The following TMEM201 variants were observed in gnomAD, a reference collection of about 807,000 sequenced individuals.
TMEM201 encodes RP13-15M17.2.
A neutral mutation model predicts 63.4 loss-of-function variants in TMEM201; 26 were observed. That is an observed-to-expected ratio of 0.41 (90% CI 0.30 to 0.57). The LOEUF is 0.57. TMEM201 is among the 20% of genes least tolerant of loss of function. The probability of loss-of-function intolerance (pLI) is 0.29; values close to 1 mark genes in which losing one functional copy is unlikely to be tolerated. For missense variants in TMEM201, 794 were observed against 917.7 expected, an observed-to-expected ratio of 0.87 and a Z score of 1.74; for synonymous variants, 417 against 421.6, an observed-to-expected ratio of 0.99 and a Z score of 0.14.
At position 9,611,816 on chromosome 1, in the gene TMEM201, A is replaced by G; in HGVS notation, c.1829A>G (p.Asp610Gly). ...AACCGCTCCATCAAGAAAGAGGACG[A>G]CTCTTCCCAGTCATCTACCTGTGTG... ...CSNRSIKKED[D>G]SSQSSTCVVD... The change falls in exon 10 of 11, where the codon GAC (aspartate) becomes GGC (glycine). Residue 610 changes from aspartate (D) to glycine (G), a missense_variant. Physicochemically the swap from Asp to Gly is moderately conservative, Grantham distance 94 (BLOSUM62 -1). Transcript: ENST00000340381. The G allele has an allele frequency of 6.5e-7, 1 of 1,549,166 alleles. No individual in the cohort carries two copies. Among genetic ancestry groups the G allele is most frequent in the Non-Finnish European group, 8.7e-7 (1 of 1,146,680 alleles).
rs183803080 is a variant in TMEM201, at chr1:9,609,886, T to G, written c.1440T>G (p.Ser480=). 262 of 1,551,480 alleles carry G rather than the reference T, an allele frequency of 1.7e-4. 1 individual carries two copies. In the African/African-American group the frequency reaches 3.3e-3, roughly 20 times the overall value. The change falls in exon 8 of 11, where the codon TCT becomes TCG. Residue 480 remains serine, a synonymous_variant. Transcript: ENST00000340381. ...GTAGCCGCCCACCATCTCAGGTGTC[T>G]CGATCTGGGGAGTTTCCTGTTTCAG... is the stretch of plus-strand genomic sequence containing the variant. The part of the protein sequence containing the change: ...FSGSRPPSQV[S]RSGEFPVSDY...
chr1:9,609,692 A>T, intron 7 of TMEM201, 148 bp from the exon 8 acceptor site: 2 of 725,744 alleles, frequency 2.8e-6, no homozygotes, highest in Non-Finnish European at 4.5e-6. Flanking sequence ...CTCAGACAGC[A>T]GTCCGAGGAA....
Position 9,601,313 on chromosome 1 carries a change from G to A in TMEM201, c.815G>A (p.Arg272Gln), listed in dbSNP as rs986771042. ...ACCACCCCTGGGGCCGAGGGCTGGC[G>A]GCAGTTGCTGGGCCTACTCCCCGAG... ...NGTTPGAEGW[R>Q]QLLGLLPEHM... Residue 272 changes from arginine to glutamine, a missense_variant, in exon 5 of 11, where the codon CGG becomes CAG. Physicochemically the swap from Arg to Gln is conservative, Grantham distance 43. Transcript: ENST00000340381. The A allele has an allele frequency of 1.7e-5, 27 of 1,609,386 alleles. No individual in the cohort carries two copies. The highest frequency in any genetic ancestry group is 2.2e-5 in the South Asian group (2 of 91,084).
chr1:9,613,084 C>T lies in TMEM201; in HGVS notation c.*1C>T. On this transcript the variant is annotated 3_prime_UTR_variant, in exon 11 of 11. Transcript: ENST00000340381. The stretch of plus-strand genomic sequence containing the variant: ...GTTTCTGTACCAGAGCCTGCGCTGA[C>T]CCACCGTTGGAGCCCCTCGGAGGGG... The T allele has an allele frequency of 6.4e-7, 1 of 1,550,572 alleles. No individual in the cohort carries two copies. Among genetic ancestry groups the T allele is most frequent in the Non-Finnish European group, 8.7e-7 (1 of 1,146,954 alleles).
At chr1:9,591,597 G>A (rs1643920295) in intron 1 of TMEM201, among the ~76,000 whole-genome samples, 1 of 152,234 alleles carries the variant, frequency 6.6e-6, no homozygotes, top group Admixed American at 6.5e-5. Flanking sequence ...TGCTCTGCCA[G>A]CACATCCCTG....
In TMEM201 at chr1:9,605,083, AT is replaced by A. The variant is rs777946279; in HGVS notation, c.1161-2473del. The A allele has an allele frequency of 2.8e-5, 26 of 927,318 alleles. No individual in the cohort carries two copies. Among genetic ancestry groups the A allele is most frequent in the Non-Finnish European group, 3.3e-5 (26 of 776,944 alleles). 57.4% of individuals were successfully genotyped at this position (927,318 alleles called of 1,614,324 possible). On this transcript the variant is annotated intron_variant, in intron 6 of 10. Coordinates refer to ENST00000340381, the MANE Select transcript of TMEM201 (RefSeq NM_001130924.3). This position sits in a 1 kb window ranked among gnomAD's most constrained non-coding sequence, Gnocchi z 5.7. ...GAGTCAGGTTTGGGAGCCAGTGACA[AT>A]GACACCAGCTGGCTCGGGGCCCGGC...
chr1:9,595,276 A>G (rs1643996418), intron 1 of TMEM201, among the ~76,000 whole-genome samples: 1 of 152,168 alleles, frequency 6.6e-6, no homozygotes. Context: ...AGCGAGGGCC[A>G]CTGTCCTCTC....
chr1:9,604,309 G>C lies in TMEM201; in HGVS notation c.1160+2037G>C, dbSNP rs568632741. 70 of 985,318 alleles carry C rather than the reference G, an allele frequency of 7.1e-5. No individual in the cohort carries two copies. Among genetic ancestry groups the C allele is most frequent in the Admixed American group, 2.5e-4 (4 of 16,262 alleles). 61.0% of individuals were successfully genotyped at this position (985,318 alleles called of 1,614,324 possible). A position where few individuals can be genotyped will look rare whatever the true frequency, so the allele number is the denominator to read the frequency against. On this transcript the variant is annotated intron_variant, in intron 6 of 10. Transcript: ENST00000340381. The surrounding 1 kb of genome is among the most constrained non-coding windows in gnomAD (Gnocchi z 4.1). ...AGGATCCTCCTGCCGAGCTGATGTC[G>C]CTCCTGCCCTCTGCCGGGGTCCGGA... is the stretch of plus-strand genomic sequence containing the variant.
rs11800060 is a variant in TMEM201 at position 9,613,420 on chromosome 1, C to G, written c.*337C>G. The G allele has an allele frequency of 0.011, 4,158 of 363,124 alleles. 160 individuals are homozygous for G. Among genetic ancestry groups the G allele is most frequent in the African/African-American group, 0.074 (3,652 of 49,058 alleles). The allele number at this position is 363,124 out of a possible 1,614,324, so 22.5% of individuals were successfully genotyped here. A position where few individuals can be genotyped will look rare whatever the true frequency, so the allele number is the denominator to read the frequency against. The stretch of plus-strand genomic sequence containing the variant: ...GTTCAGCCCTGCCTGGCAGGGACGC[C>G]AGTACTACTGTAACTGCAGCAGGAG... On this transcript the variant is annotated 3_prime_UTR_variant, in exon 11 of 11. Coordinates refer to ENST00000340381, the MANE Select transcript of TMEM201 (RefSeq NM_001130924.3).
At chr1:9,600,044 G>T (rs1307168143) in intron 4 of TMEM201, among the ~76,000 whole-genome samples, 1 of 152,198 alleles carries the variant, frequency 6.6e-6, no homozygotes, top group African/African-American at 2.4e-5. Flanking sequence ...TCCACCTGGT[G>T]CCTTGCTGTG....
intron 5 of TMEM201, among the ~76,000 whole-genome samples, 180 bp downstream of exon 5, chr1:9,601,634 C>A (rs1644145006): frequency 6.6e-6 from 1 of 152,208 alleles, no homozygotes; most frequent in African/African-American, 2.4e-5. Context: ...GCTGCAGACG[C>A]CCTCTGAGCC....
rs1415694133 is a variant in TMEM201 at position 9,605,028 on chromosome 1, G to A, written c.1161-2529G>A. On this transcript the variant is annotated intron_variant, in intron 6 of 10. Transcript: ENST00000340381. This position sits in a 1 kb window ranked among gnomAD's most constrained non-coding sequence, Gnocchi z 5.7. ...CTCTGTGCCAGGGCTGGGGTGGGCA[G>A]CTGTGTTTGGGGTACAGACACGTCC... 5 of 985,562 alleles carry A rather than the reference G, an allele frequency of 5.1e-6. No homozygotes were observed. The highest frequency in any genetic ancestry group is 6.0e-6 in the Non-Finnish European group (5 of 829,912). 61.1% of individuals were successfully genotyped at this position (985,562 alleles called of 1,614,324 possible).
Position 9,610,546 on chromosome 1 carries a change from A to G in TMEM201, c.1506A>G (p.Pro502=), listed in dbSNP as rs928352883. 17 of 1,544,184 alleles carry G rather than the reference A, an allele frequency of 1.1e-5. No homozygotes were observed. The Admixed American group carries it at 2.8e-4, about 25-fold the overall frequency. ...TGTCGGGGAGCTGCCCCTCCTCCCCACTCCCTTCCCCAGCGCCTTCCGTGG... is the reference window on the plus strand; with the variant it reads ...TGTCGGGGAGCTGCCCCTCCTCCCCGCTCCCTTCCCCAGCGCCTTCCGTGG... ...SLLSGSCPSS[P]LPSPAPSVAG... The change falls in exon 9 of 11, where the codon CCA becomes CCG. Residue 502 remains proline, a synonymous_variant. Transcript: ENST00000340381. This position sits in a 1 kb window ranked among gnomAD's most constrained non-coding sequence, Gnocchi z 4.9.
chr1:9,597,285 T>C (rs1644043607), intron 3 of TMEM201, among the ~76,000 whole-genome samples: 1 of 152,204 alleles, frequency 6.6e-6, no homozygotes, highest in African/African-American at 2.4e-5. Context: ...CTTCTCCCCA[T>C]GTCTTACAGT....
At position 9,601,463 on chromosome 1, in the gene TMEM201, G is replaced by GGGGCCA. The variant is rs780227451; in HGVS notation, c.956+18_956+23dup. On this transcript the variant is annotated intron_variant, in intron 5 of 10. Transcript: ENST00000340381. The stretch of plus-strand genomic sequence containing the variant: ...CTGGCTGGCCGCATCAGGTGTGCAT[G>GGGGCCA]GGGCCAGGGCCAGGAGTTGGCGGGC... 44 of 1,574,426 alleles carry GGGGCCA rather than the reference G, an allele frequency of 2.8e-5. No individual in the cohort carries two copies. The highest frequency in any genetic ancestry group is 3.4e-5 in the Non-Finnish European group (40 of 1,164,718).
Position 9,610,699 on chromosome 1 carries a change from G to T in TMEM201, c.1659G>T (p.Thr553=), listed in dbSNP as rs867359537. The change falls in exon 9 of 11, where the codon ACG becomes ACT. Residue 553 remains threonine (T), a synonymous_variant. Coordinates refer to ENST00000340381, the MANE Select transcript of TMEM201 (RefSeq NM_001130924.3). This position sits in a 1 kb window ranked among gnomAD's most constrained non-coding sequence, Gnocchi z 4.9. ...FPSPPGEAPT[T]PSSSDEHSPH... ...CACCCCCTGGAGAGGCCCCCACCAC[G>T]CCCAGCAGCTCCGATGAGCACTCGC... The T allele has an allele frequency of 2.2e-5, 34 of 1,550,356 alleles. No homozygotes were observed. In the Admixed American group the frequency reaches 5.7e-4, roughly 26 times the overall value.
At chr1:9,595,595 G>A (rs1644003215) in intron 1 of TMEM201, among the ~76,000 whole-genome samples, 1 of 152,104 alleles carries the variant, frequency 6.6e-6, no homozygotes, top group Non-Finnish European at 1.5e-5. Flanking sequence ...TGGAGCCTAG[G>A]GATCTGCTGA....
chr1:9,602,661 G>C, intron 6 of TMEM201: 2 of 1,142,202 alleles, frequency 1.8e-6, no homozygotes, highest in Non-Finnish European at 2.2e-6. Context: ...TGACACTGTT[G>C]GGTGAGGGTC....
chr1:9,593,946 C>T (rs566167391), intron 1 of TMEM201, among the ~76,000 whole-genome samples: 1 of 152,372 alleles, frequency 6.6e-6, no homozygotes, highest in African/African-American at 2.4e-5. Flanking sequence ...TGCTTAGTTG[C>T]CCGGGAGTGC....
Sources: allele counts gnomAD v4.1 joint callset (sites outside exome capture counted in the v4.1 genomes callset), GRCh38; gene constraint gnomAD v4.1.1; non-coding constraint Gnocchi (gnomAD v3.1); transcripts MANE v1.5; gene names NCBI Gene and HGNC (gene_info 2026-07-23, HGNC 2026-07-21).